Variants in ESRRG observed in about 807,000 individuals in gnomAD.
The protein encoded by ESRRG is estrogen related receptor gamma.
Under a neutral mutation model 44.0 loss-of-function variants are expected in ESRRG, and 13 were observed. The observed-to-expected ratio is 0.30, with a 90% CI of 0.19 to 0.47. ESRRG has a LOEUF of 0.47. Among genes scored for constraint, ESRRG ranks in the 20% least tolerant of loss-of-function variants. ESRRG has a pLI of 1.00. For missense variants in ESRRG, 395 were observed against 580.6 expected, an observed-to-expected ratio of 0.68 and a Z score of 3.29; for synonymous variants, 215 against 214.6, an observed-to-expected ratio of 1.00 and a Z score of -0.02.
chr1:217,085,225 G>A (rs2092005465), intron 1 of ESRRG, among the ~76,000 whole-genome samples: 1 of 152,014 alleles, frequency 6.6e-6, no homozygotes, highest in Admixed American at 6.6e-5. Context: ...ATACTACCAA[G>A]AATTTTTGCT....
chr1:216,564,417 T>C lies in ESRRG; in HGVS notation c.701-37A>G, dbSNP rs375691173. The C allele has an allele frequency of 1.0e-5, 16 of 1,539,924 alleles. No homozygotes were observed. The African/African-American group carries it at 1.2e-4, about 12-fold the overall frequency. ...GACCAGAGCACTACAAGATCACTAG[T>C]AGTATCATCCCTCTTTTATAAACCC... On this transcript the variant is annotated intron_variant, in intron 4 of 6. Transcript: ENST00000408911.
intron 5 of ESRRG, 142 bp downstream of exon 5, chr1:216,564,077 A>G (rs2059259725): frequency 8.3e-6 from 4 of 480,822 alleles, no homozygotes; most frequent in Non-Finnish European, 1.4e-5. Flanking sequence ...GGATATGCAA[A>G]ACTCTAAATT....
At chr1:216,648,005 T>A (rs1030385454) in intron 3 of ESRRG, among the ~76,000 whole-genome samples, 5 of 152,126 alleles carry the variant, frequency 3.3e-5, no homozygotes, top group Admixed American at 6.6e-5. Flanking sequence ...AACACGGGGG[T>A]TGTAGCAGCA....
At chr1:216,562,646 T>C (rs554622297) in intron 5 of ESRRG, among the ~76,000 whole-genome samples, 103 of 152,112 alleles carry the variant, frequency 6.8e-4, no homozygotes, top group Non-Finnish European at 1.4e-3. Flanking sequence ...CAGCCCCTCA[T>C]GACAATTATC....
At chr1:216,680,398 A>C (rs571912514) in intron 1 of ESRRG, among the ~76,000 whole-genome samples, 1 of 152,248 alleles carries the variant, frequency 6.6e-6, no homozygotes, top group African/African-American at 2.4e-5. Flanking sequence ...CCAGAGCAGA[A>C]ATGTCTTGAA....
chr1:216,967,129 T>C (rs554517154), intron 1 of ESRRG, among the ~76,000 whole-genome samples: 2 of 152,212 alleles, frequency 1.3e-5, no homozygotes, highest in East Asian at 3.9e-4. Context: ...TACAGGGACT[T>C]CTTAAGTATC....
intron 2 of ESRRG, among the ~76,000 whole-genome samples, chr1:216,665,470 T>C (rs2073676279): frequency 6.6e-6 from 1 of 152,120 alleles, no homozygotes; most frequent in Non-Finnish European, 1.5e-5. Flanking sequence ...TGATTCCACT[T>C]ATAGGAGATA....
At chr1:216,514,034 C>G (rs181397590) in intron 6 of ESRRG, among the ~76,000 whole-genome samples, 1 of 152,006 alleles carries the variant, frequency 6.6e-6, no homozygotes, top group Non-Finnish European at 1.5e-5. Flanking sequence ...CACATATTAC[C>G]CAGGTATTTA....
intron 2 of ESRRG, among the ~76,000 whole-genome samples, chr1:216,653,460 T>G (rs11117643): frequency 0.17 from 25,873 of 152,216 alleles, 2,680 homozygotes; most frequent in East Asian, 0.43. Flanking sequence ...TCTCCCAGCC[T>G]TTCATTTACT....
chr1:216,778,871 G>C (rs1052722039), intron 2 of ESRRG, among the ~76,000 whole-genome samples: 2 of 151,346 alleles, frequency 1.3e-5, no homozygotes, highest in Non-Finnish European at 2.9e-5. Flanking sequence ...CTGGAGATGA[G>C]ACAGAAAGTA....
At chr1:216,661,677 C>G (rs1156371358) in intron 2 of ESRRG, among the ~76,000 whole-genome samples, 1 of 152,102 alleles carries the variant, frequency 6.6e-6, no homozygotes, top group Non-Finnish European at 1.5e-5. Context: ...AAGTATAACC[C>G]TTTCTAATAC....
At chr1:216,628,601 G>A (rs2063577458) in intron 3 of ESRRG, among the ~76,000 whole-genome samples, 1 of 152,086 alleles carries the variant, frequency 6.6e-6, no homozygotes, top group Non-Finnish European at 1.5e-5. Context: ...CAACTAGGAA[G>A]GAAAGAAATA....
chr1:216,662,779 C>T (rs1174058365), intron 2 of ESRRG, among the ~76,000 whole-genome samples: 1 of 152,126 alleles, frequency 6.6e-6, no homozygotes, highest in Non-Finnish European at 1.5e-5. Flanking sequence ...ATATTTTTGT[C>T]TTTGCAGGTC....
chr1:216,990,945 C>T (rs575730673), intron 1 of ESRRG, among the ~76,000 whole-genome samples: 2 of 152,088 alleles, frequency 1.3e-5, no homozygotes, highest in South Asian at 4.1e-4. Context: ...AACTGCCCCC[C>T]AACCCCACCC....
chr1:217,082,486 T>C (rs1390489611), intron 1 of ESRRG, among the ~76,000 whole-genome samples: 1 of 152,228 alleles, frequency 6.6e-6, no homozygotes, highest in Non-Finnish European at 1.5e-5. Context: ...AGTGATCCAG[T>C]AGAGATTTTG....
chr1:216,556,020 C>T (rs2057471289), intron 5 of ESRRG, among the ~76,000 whole-genome samples: 1 of 152,092 alleles, frequency 6.6e-6, no homozygotes, highest in Non-Finnish European at 1.5e-5. Flanking sequence ...ATGTTCTGCA[C>T]TCCTCCCCCA....
chr1:216,679,052 A>G (rs1417644568), intron 1 of ESRRG, among the ~76,000 whole-genome samples: 1 of 152,214 alleles, frequency 6.6e-6, no homozygotes, highest in Non-Finnish European at 1.5e-5. Context: ...CCTCTTACCA[A>G]AGATATTTCA....
At chr1:216,929,951 TA>T (rs1349029605) in intron 2 of ESRRG, among the ~76,000 whole-genome samples, 1 of 152,114 alleles carries the variant, frequency 6.6e-6, no homozygotes, top group Non-Finnish European at 1.5e-5. Context: ...GGAAACCCCC[TA>T]ACACCCATAC....
chr1:216,764,642 T>A (rs538106392), intron 2 of ESRRG, among the ~76,000 whole-genome samples: 32 of 152,158 alleles, frequency 2.1e-4, no homozygotes, highest in South Asian at 2.1e-3. Context: ...GGACTATAGG[T>A]GTGTGCTGCC....
Sources: allele counts gnomAD v4.1 joint callset (sites outside exome capture counted in the v4.1 genomes callset), GRCh38; gene constraint gnomAD v4.1.1; transcripts MANE v1.5; gene names NCBI Gene and HGNC (gene_info 2026-07-23, HGNC 2026-07-21).